The following ZNF595 variants were observed in gnomAD, a reference collection of about 807,000 sequenced individuals.
The protein encoded by ZNF595 is zinc finger protein 595.
A neutral mutation model predicts 19.4 loss-of-function variants in ZNF595; 9 were observed. That is an observed-to-expected ratio of 0.46 (90% CI 0.28 to 0.81). The LOEUF (loss-of-function observed/expected upper bound fraction) is 0.81. Ranked by LOEUF, ZNF595 falls within the 30% of genes least tolerant of loss-of-function variation. The probability of loss-of-function intolerance (pLI) is 0.11; values close to 1 mark genes in which losing one functional copy is unlikely to be tolerated. For synonymous variants in ZNF595, 255 were observed against 255.9 expected (o/e 1.00, Z 0.03); for missense variants, 729 against 736.0 (o/e 0.99, Z 0.11).
At chr4:74,817 G>A (rs1211899750) in intron 3 of ZNF595, among the ~76,000 whole-genome samples, 3 of 152,150 alleles carry the variant, frequency 2.0e-5, no homozygotes, top group Non-Finnish European at 4.4e-5. Context: ...TGGCGGAGAG[G>A]TGACTGAATA....
At position 87,110 on chromosome 4, in the gene ZNF595, T is replaced by C. The variant is rs368185097; in HGVS notation, c.1606T>C (p.Tyr536His). Reference protein sequence around the residue: ...HRSIHSEQKLYKCEECGKAFT... With the variant: ...HRSIHSEQKLHKCEECGKAFT... ...GAGCATTCATTCTGAACAAAAACTT[T>C]ACAAATGTGAAGAATGTGGCAAAGC... Residue 536 changes from tyrosine to histidine, a missense_variant, in exon 4 of 4, where the codon TAC (tyrosine) becomes CAC (histidine). Tyr to His is a moderately conservative substitution (Grantham distance 83, BLOSUM62 2). Coordinates refer to ENST00000610261, the MANE Select transcript of ZNF595 (RefSeq NM_182524.4). 23 of 1,613,866 alleles carry C rather than the reference T, an allele frequency of 1.4e-5. No individual in the cohort carries two copies. The highest frequency in any genetic ancestry group is 3.3e-5 in the Admixed American group (2 of 59,992).
intron 3 of ZNF595, among the ~76,000 whole-genome samples, chr4:75,763 C>A (rs75748899): frequency 6.9e-6 from 1 of 144,316 alleles, no homozygotes; most frequent in African/African-American, 2.5e-5. Context: ...TGCTTTCATT[C>A]TTTTTCTTTT....
intron 3 of ZNF595, among the ~76,000 whole-genome samples, chr4:79,714 T>A (rs1713827573): frequency 6.6e-6 from 1 of 151,672 alleles, no homozygotes; most frequent in South Asian, 2.1e-4. Context: ...AGGATTACTT[T>A]GGGTATTTGG....
intron 3 of ZNF595, among the ~76,000 whole-genome samples, chr4:83,391 G>A (rs1196935159): frequency 6.6e-6 from 1 of 151,958 alleles, no homozygotes; most frequent in East Asian, 1.9e-4. Context: ...AGGCCGAGGT[G>A]GGTGGTCACG....
chr4:60,994 C>A (rs1712835131), intron 3 of ZNF595, among the ~76,000 whole-genome samples: 1 of 152,026 alleles, frequency 6.6e-6, no homozygotes, highest in East Asian at 1.9e-4. Context: ...ATAAAATACA[C>A]AAACAGTAAT....
intron 3 of ZNF595, among the ~76,000 whole-genome samples, chr4:75,717 T>C (rs1437248153): frequency 6.6e-6 from 1 of 152,180 alleles, no homozygotes; most frequent in Non-Finnish European, 1.5e-5. Flanking sequence ...CTGTCTTCCC[T>C]TGTGTTTTCT....
intron 3 of ZNF595, among the ~76,000 whole-genome samples, chr4:70,994 C>G (rs1560087507): frequency 6.6e-6 from 1 of 152,098 alleles, no homozygotes; most frequent in Non-Finnish European, 1.5e-5. Context: ...AAATATCTTT[C>G]CTTTTTTTGT....
At chr4:79,187 A>C (rs139968205) in intron 3 of ZNF595, among the ~76,000 whole-genome samples, 74 of 152,280 alleles carry the variant, frequency 4.9e-4, no homozygotes, top group Middle Eastern at 6.8e-3. Context: ...TTCTCAGTGT[A>C]ATTATATAAT....
chr4:55,896 AC>A (rs1712625373), intron 1 of ZNF595, among the ~76,000 whole-genome samples: 1 of 132,548 alleles, frequency 7.5e-6, no homozygotes, highest in African/African-American at 2.7e-5. Context: ...ATACAACAAA[AC>A]ATTTTCTTGC....
chr4:83,765 A>C (rs909363571), intron 3 of ZNF595, among the ~76,000 whole-genome samples: 1 of 151,484 alleles, frequency 6.6e-6, no homozygotes. Context: ...CTGAAATGGA[A>C]AGGCTTATTC....
intron 3 of ZNF595, among the ~76,000 whole-genome samples, chr4:75,986 G>T (rs1440413533): frequency 6.6e-6 from 1 of 151,982 alleles, no homozygotes; most frequent in Non-Finnish European, 1.5e-5. Flanking sequence ...ACCTCCCCAG[G>T]CTCAAGCAAT....
intron 3 of ZNF595, among the ~76,000 whole-genome samples, chr4:79,015 A>G (rs1473698942): frequency 6.6e-6 from 1 of 152,224 alleles, no homozygotes; most frequent in Non-Finnish European, 1.5e-5. Flanking sequence ...TATACGGTCC[A>G]GTGGTGTTAA....
At chr4:79,669 TTTG>T (rs531359689) in intron 3 of ZNF595, among the ~76,000 whole-genome samples, 107 of 147,030 alleles carry the variant, frequency 7.3e-4, no homozygotes, top group Non-Finnish European at 1.3e-3. Flanking sequence ...TATCTCCAGC[TTTG>T]TTGTTTTTTT....
chr4:66,789 CATCATCT>C (rs1295719179), intron 3 of ZNF595, among the ~76,000 whole-genome samples: 1 of 152,156 alleles, frequency 6.6e-6, no homozygotes, highest in Non-Finnish European at 1.5e-5. Flanking sequence ...TGTTCTGTTC[CATCATCT>C]ATTTGTCTTC....
chr4:75,518 C>T (rs1271830259), intron 3 of ZNF595, among the ~76,000 whole-genome samples: 1 of 152,190 alleles, frequency 6.6e-6, no homozygotes, highest in Non-Finnish European at 1.5e-5. Flanking sequence ...ACTTAATTTT[C>T]TCACAATGGC....
chr4:73,561 T>G (rs149459285), intron 3 of ZNF595, among the ~76,000 whole-genome samples: 350 of 152,280 alleles, frequency 2.3e-3, no homozygotes, highest in African/African-American at 7.9e-3. Flanking sequence ...AAAAGGTGAT[T>G]TATTAGCAGT....
chr4:66,345 G>T lies in ZNF595; in HGVS notation c.226+6192G>T, dbSNP rs1320025402. Among the ~76,000 whole-genome samples the T allele has an allele frequency of 3.5e-5, 5 of 142,316 alleles. No homozygotes were observed. The South Asian group carries it at 6.8e-4, about 19-fold the overall frequency. 93.4% of individuals were successfully genotyped at this position (142,316 alleles called of 152,430 possible). ...CATGTAACTTTTTGTTTTTTTTTTTGGAGTTGTTCTGGATGTTATCTTCTG... is the reference window on the plus strand; with the variant it reads ...CATGTAACTTTTTGTTTTTTTTTTTTGAGTTGTTCTGGATGTTATCTTCTG... On this transcript the variant is annotated intron_variant, in intron 3 of 3. Transcript: ENST00000610261.
intron 3 of ZNF595, among the ~76,000 whole-genome samples, chr4:66,561 G>T (rs1357058594): frequency 6.6e-6 from 1 of 150,814 alleles, no homozygotes; most frequent in Non-Finnish European, 1.5e-5. Flanking sequence ...TTCTTCTAAA[G>T]ATTGTATAAT....
At chr4:81,425 T>G (rs1713904202) in intron 3 of ZNF595, among the ~76,000 whole-genome samples, 2 of 152,332 alleles carry the variant, frequency 1.3e-5, no homozygotes, top group Admixed American at 1.3e-4. Context: ...ATTCTTCTGA[T>G]TTTACCCTCC....
Sources: gnomAD v4.1 joint callset for allele counts (sites outside exome capture counted in the v4.1 genomes callset) on GRCh38, gnomAD v4.1.1 for gene constraint, MANE v1.5 for transcripts, NCBI Gene and HGNC (gene_info 2026-07-23, HGNC 2026-07-21) for gene names.